The following LMF1 variants were observed in gnomAD, a reference collection of about 807,000 sequenced individuals.
LMF1 encodes transmembrane protein 112.
LMF1 carries 68 observed loss-of-function variants against 60.6 expected under a neutral mutation model. The ratio of observed to expected loss-of-function variants is 1.12; its 90% confidence interval spans 0.92 to 1.37. The LOEUF (loss-of-function observed/expected upper bound fraction) is 1.37. LMF1 is among the 40% of genes most tolerant of loss of function. The pLI, the probability that LMF1 is intolerant of heterozygous loss-of-function variation, is 0.00. For synonymous variants in LMF1, 418 were observed against 324.7 expected (o/e 1.29, Z -3.09); for missense variants, 948 against 767.2 (o/e 1.24, Z -2.78).
intron 5 of LMF1, among the ~76,000 whole-genome samples, chr16:892,796 A>G (rs1160799474): frequency 2.0e-5 from 3 of 152,170 alleles, no homozygotes; most frequent in Non-Finnish European, 4.4e-5. Flanking sequence ...ACTCGAGACC[A>G]TGGAGGGCCA....
In LMF1 at chr16:858,963, GC is replaced by G. The variant is rs1373094048; in HGVS notation, c.1530-4258del. ...TGCAGTGGTGTCACGGGACGGGTGT[GC>G]AGTGGTGTCACGGGACGGGTGTGCA... On this transcript the variant is annotated intron_variant, in intron 10 of 10. Coordinates refer to ENST00000262301, the MANE Select transcript of LMF1 (RefSeq NM_022773.4). Among the ~76,000 whole-genome samples the G allele has an allele frequency of 1.1e-4, 9 of 82,286 alleles. 1 individual carries two copies. The highest frequency in any genetic ancestry group is 5.8e-4 in the South Asian group (1 of 1,710). 54.0% of individuals were successfully genotyped at this position (82,286 alleles called of 152,430 possible).
chr16:952,016 C>T (rs999940739), intron 2 of LMF1, among the ~76,000 whole-genome samples: 6 of 152,220 alleles, frequency 3.9e-5, no homozygotes, highest in Admixed American at 1.3e-4. Context: ...CCCAGCACAC[C>T]ACTTCAGCCT....
In LMF1 at chr16:954,008, C is replaced by G. The variant is rs546925721; in HGVS notation, c.503+349G>C. Among the ~76,000 whole-genome samples the G allele has an allele frequency of 2.2e-5, 2 of 90,254 alleles. 1 individual carries two copies. 59.2% of individuals were successfully genotyped at this position (90,254 alleles called of 152,430 possible). On this transcript the variant is annotated intron_variant, in intron 2 of 10. Coordinates refer to ENST00000262301, the MANE Select transcript of LMF1 (RefSeq NM_022773.4). ...AGACACCCCAAACCAGCCTCCTACA[C>G]GTCCACACAGACACCCACCCCAAAC...
intron 6 of LMF1, among the ~76,000 whole-genome samples, chr16:877,185 C>T (rs145956274): frequency 6.6e-6 from 1 of 152,274 alleles, no homozygotes; most frequent in African/African-American, 2.4e-5. Context: ...TGAAAAATAG[C>T]TCGGCGTGGT....
intron 3 of LMF1, among the ~76,000 whole-genome samples, chr16:911,983 G>A (rs1178739623): frequency 6.6e-6 from 1 of 152,174 alleles, no homozygotes; most frequent in Non-Finnish European, 1.5e-5. Context: ...GCTATTCTCA[G>A]AGGTGAGGCC....
intron 10 of LMF1, chr16:855,357 G>A (rs934129223): frequency 5.3e-5 from 16 of 300,972 alleles, no homozygotes; most frequent in East Asian, 4.5e-4. Flanking sequence ...GCAGGGTAGC[G>A]GGCAGGTCTC....
At position 897,848 on chromosome 16, in the gene LMF1, C is replaced by G. The variant is rs769715197; in HGVS notation, c.664-4776G>C. On this transcript the variant is annotated intron_variant, in intron 4 of 10. Transcript: ENST00000262301. This position sits in a 1 kb window ranked among gnomAD's most constrained non-coding sequence, Gnocchi z 4.3. Reference sequence around the variant, plus strand: ...TTTCCTGTCTTCCTGGGATGGTTTCCGCACTTTCTTGCCCTCATGCAAGAG... The same window carrying G: ...TTTCCTGTCTTCCTGGGATGGTTTCGGCACTTTCTTGCCCTCATGCAAGAG... Among the ~76,000 whole-genome samples the G allele has an allele frequency of 3.9e-5, 6 of 152,234 alleles. No individual in the cohort carries two copies. The highest frequency in any genetic ancestry group is 7.4e-5 in the Non-Finnish European group (5 of 68,022).
At chr16:864,816 T>G (rs548045216) in intron 10 of LMF1, among the ~76,000 whole-genome samples, 1 of 151,708 alleles carries the variant, frequency 6.6e-6, no homozygotes, top group South Asian at 2.1e-4. Context: ...GTAAAGAGGG[T>G]TTTGCCATGA....
At chr16:861,292 T>G (rs1466460142) in intron 10 of LMF1, among the ~76,000 whole-genome samples, 1 of 152,126 alleles carries the variant, frequency 6.6e-6, no homozygotes, top group African/African-American at 2.4e-5. Flanking sequence ...GGAATACTAT[T>G]GAATCATTTA....
At chr16:958,944 G>A (rs1383960576) in intron 1 of LMF1, among the ~76,000 whole-genome samples, 1 of 152,122 alleles carries the variant, frequency 6.6e-6, no homozygotes, top group Non-Finnish European at 1.5e-5. Context: ...GCCCAATGCT[G>A]CAGAAGGTTC....
At chr16:873,159 C>T (rs62012417) in intron 6 of LMF1, 2,638 of 152,406 alleles carry the variant, frequency 0.017, 37 homozygotes, top group Non-Finnish European at 0.029. Context: ...TCCATCTGGT[C>T]GGCTGTTTTG....
intron 10 of LMF1, 78 bp downstream of exon 10, chr16:868,866 C>G (rs2069688337): frequency 1.1e-6 from 1 of 905,786 alleles, no homozygotes; most frequent in East Asian, 2.4e-5. Flanking sequence ...GGTGGGGGTG[C>G]AGGTACAGGT....
chr16:864,060 C>T (rs564796699), intron 10 of LMF1, among the ~76,000 whole-genome samples: 27 of 152,110 alleles, frequency 1.8e-4, no homozygotes, highest in Admixed American at 7.9e-4. Flanking sequence ...AACATCCAGC[C>T]GTAATTGTTG....
rs1190531842 is a variant in LMF1, at chr16:854,281, G to A, written c.*251C>T. On this transcript the variant is annotated 3_prime_UTR_variant, in exon 11 of 11. Coordinates refer to ENST00000262301, the MANE Select transcript of LMF1 (RefSeq NM_022773.4). ...CCTCTGGGAGGAGGGTGGGATGGATGGGAGATCAGAGCCCCTGGCGCCTGG... is the reference window on the plus strand; with the variant it reads ...CCTCTGGGAGGAGGGTGGGATGGATAGGAGATCAGAGCCCCTGGCGCCTGG... 3.0e-6 allele frequency: 2 copies of A among 673,558 alleles called. No homozygotes were observed. Among genetic ancestry groups the A allele is most frequent in the Non-Finnish European group, 5.4e-6 (2 of 367,922 alleles). The allele number at this position is 673,558 out of a possible 1,614,324, so 41.7% of individuals were successfully genotyped here.
intron 1 of LMF1, among the ~76,000 whole-genome samples, chr16:966,412 C>T (rs959479091): frequency 8.5e-5 from 13 of 152,204 alleles, no homozygotes; most frequent in Non-Finnish European, 1.6e-4. Flanking sequence ...ACACATGGAC[C>T]GACAGACGAA....
In LMF1 at chr16:854,652, G is replaced by C; in HGVS notation, c.1584C>G (p.His528Gln). The C allele has an allele frequency of 6.2e-7, 1 of 1,605,698 alleles. No homozygotes were observed. The change falls in exon 11 of 11, where the codon CAC becomes CAG. Residue 528 changes from histidine to glutamine, a missense_variant. Transcript: ENST00000262301. ...RYKFSRPGGRHAAEGKWWVRK... is the reference protein window; with the variant it reads ...RYKFSRPGGRQAAEGKWWVRK... ...GCACCCACCACTTGCCCTCGGCGGCGTGCCTGCCCCCAGGACGGCTGAACT... is the reference window on the plus strand; with the variant it reads ...GCACCCACCACTTGCCCTCGGCGGCCTGCCTGCCCCCAGGACGGCTGAACT...
chr16:975,253 G>A (rs1227910797), upstream of LMF1, among the ~76,000 whole-genome samples: 1 of 152,208 alleles, frequency 6.6e-6, no homozygotes, highest in African/African-American at 2.4e-5. Flanking sequence ...TCTAGACAGT[G>A]GAAAGCACAG....
intron 2 of LMF1, among the ~76,000 whole-genome samples, chr16:950,598 CAGAGACAACGACAGAGTT>C (rs1454125714): frequency 5.7e-5 from 8 of 140,808 alleles, no homozygotes; most frequent in East Asian, 2.1e-4. Context: ...ATGACAGAGT[CAGAGACAACGACAGAGTT>C]AGAGACAACG....
At chr16:870,628 G>A in intron 8 of LMF1, 101 bp downstream of exon 8, 1 of 1,371,368 alleles carries the variant, frequency 7.3e-7, no homozygotes, top group Non-Finnish European at 1.0e-6. Context: ...GGACACTTGG[G>A]GTCATGGGGG....
Sources: gnomAD v4.1 joint callset for allele counts (sites outside exome capture counted in the v4.1 genomes callset) on GRCh38, gnomAD v4.1.1 for gene constraint, Gnocchi (gnomAD v3.1) non-coding constraint, MANE v1.5 for transcripts, NCBI Gene and HGNC (gene_info 2026-07-23, HGNC 2026-07-21) for gene names.